Variants in HDAC2 observed in about 807,000 individuals in gnomAD.
The protein encoded by HDAC2 is histone deacetylase 2.
In HDAC2, 5 loss-of-function variants were observed where a neutral mutation model predicts 68.5. The observed-to-expected ratio is 0.07, with a 90% CI of 0.04 to 0.15. The LOEUF is 0.15. HDAC2 is among the 10% of genes least tolerant of loss of function. HDAC2 has a pLI of 1.00. For synonymous variants in HDAC2, 182 were observed against 191.3 expected, an observed-to-expected ratio of 0.95 and a Z score of 0.40; for missense variants, 291 against 600.8, an observed-to-expected ratio of 0.48 and a Z score of 5.39.
Position 113,935,094 on chromosome 6 carries a change from A to T in HDAC2, c.*5964T>A, listed in dbSNP as rs528635021. 3.3e-5 allele frequency: 5 copies of T among 152,298 alleles called. No individual in the cohort carries two copies. In the East Asian group the frequency reaches 9.6e-4, roughly 29 times the overall value. The allele number at this position is 152,298 out of a possible 1,614,324, so 9.4% of individuals were successfully genotyped here. A position where few individuals can be genotyped will look rare whatever the true frequency, so the allele number is the denominator to read the frequency against. On this transcript the variant is annotated 3_prime_UTR_variant, in exon 14 of 14. Transcript: ENST00000519065. ...CTCCCATCCTCATGCTTGGAGGGCT[A>T]TTATCTACCACAGGGCCACACAACA... is the stretch of plus-strand genomic sequence containing the variant.
intron 4 of HDAC2, 101 bp downstream of exon 4, chr6:113,956,518 C>A: frequency 1.3e-6 from 1 of 797,018 alleles, no homozygotes; most frequent in South Asian, 1.5e-5. Flanking sequence ...CTTTTGTTAT[C>A]AAAATTCACA....
Position 113,971,011 on chromosome 6 carries a change from G to C in HDAC2, c.-103C>G, listed in dbSNP as rs965518928. On this transcript the variant is annotated 5_prime_UTR_variant, in exon 1 of 14. Transcript: ENST00000519065. ...GGGAGAGAAAAGGGCTGAGGGAAAC[G>C]TGGGGGCGATAGTCCCGCGGGGAAG... 1.3e-6 allele frequency: 2 copies of C among 1,576,816 alleles called. No homozygotes were observed. Among genetic ancestry groups the C allele is most frequent in the Non-Finnish European group, 1.7e-6 (2 of 1,160,918 alleles).
intron 1 of HDAC2, chr6:113,968,708 TATC>T (rs1400230326): frequency 6.6e-6 from 1 of 152,140 alleles, no homozygotes; most frequent in East Asian, 1.9e-4. Flanking sequence ...TACAATAAAG[TATC>T]ATATTAAGTC....
intron 1 of HDAC2, among the ~76,000 whole-genome samples, chr6:113,964,913 A>C (rs1188748338): frequency 3.3e-5 from 5 of 152,028 alleles, no homozygotes; most frequent in African/African-American, 4.8e-5. Flanking sequence ...CTCAGCTCCA[A>C]CTCCATTTCT....
intron 1 of HDAC2, among the ~76,000 whole-genome samples, chr6:113,964,444 C>A (rs1446850213): frequency 6.6e-6 from 1 of 151,992 alleles, no homozygotes; most frequent in Non-Finnish European, 1.5e-5. Flanking sequence ...TTACTTGTAC[C>A]CCAAGGCCAC....
intron 11 of HDAC2, among the ~76,000 whole-genome samples, chr6:113,943,745 C>T (rs1352795403): frequency 6.6e-6 from 1 of 152,034 alleles, no homozygotes; most frequent in African/African-American, 2.4e-5. Context: ...ATCTCTTTTT[C>T]TTTAAAAATG....
At chr6:113,954,023 T>C (rs1238049788) in intron 5 of HDAC2, among the ~76,000 whole-genome samples, 1 of 152,246 alleles carries the variant, frequency 6.6e-6, no homozygotes. Context: ...CGATTAGCTG[T>C]GACAGAGGCT....
At chr6:113,946,396 A>G (rs531342888) in intron 8 of HDAC2, 68 of 309,212 alleles carry the variant, frequency 2.2e-4, no homozygotes, top group Admixed American at 8.8e-4. Context: ...GGAAAAGTCA[A>G]GTACACAACT....
At chr6:113,957,503 AC>A (rs1776583198) in intron 3 of HDAC2, among the ~76,000 whole-genome samples, 1 of 149,032 alleles carries the variant, frequency 6.7e-6, no homozygotes, top group Non-Finnish European at 1.5e-5. Flanking sequence ...TTTTTTGGAG[AC>A]AGAGTCTCAC....
At chr6:113,957,947 T>C (rs1051419632) in intron 3 of HDAC2, among the ~76,000 whole-genome samples, 1 of 152,196 alleles carries the variant, frequency 6.6e-6, no homozygotes, top group African/African-American at 2.4e-5. Flanking sequence ...CATTGTAGCA[T>C]TATAACAAAT....
chr6:113,943,378 T>C lies in HDAC2; in HGVS notation c.1351A>G (p.Lys451Glu), dbSNP rs1776187972. The change falls in exon 12 of 14, where the codon AAG (lysine) becomes GAG (glutamate). Residue 451 changes from lysine (K) to glutamate (E), a missense_variant. By Grantham distance (56) the Lys-to-Glu change is moderately conservative (BLOSUM62 1). Transcript: ENST00000519065. ...GAKKARIEED[K>E]KETEDKKTDV... The stretch of plus-strand genomic sequence containing the variant: ...GTTTTTTTGTCCTCTGTTTCTTTCT[T>C]ATCTTCTTCAATTCTAGCTTTCTTT... 1 of 1,608,480 alleles carries C rather than the reference T, an allele frequency of 6.2e-7. No individual in the cohort carries two copies. Among genetic ancestry groups the C allele is most frequent in the African/African-American group, 1.3e-5 (1 of 74,576 alleles).
In HDAC2 at chr6:113,953,328, C is replaced by A; in HGVS notation, c.588G>T (p.Thr196=). The change falls in exon 6 of 14, where the codon ACG becomes ACT. Residue 196 remains threonine (T), a synonymous_variant. Transcript: ENST00000519065. ...ATTCCCCATATTTATGGAATGATAC[C>A]GTCATTACACGATCTGTTGTATAAA... The part of the protein sequence containing the change: ...EAFYTTDRVM[T]VSFHKYGEYF... 1 of 1,603,932 alleles carries A rather than the reference C, an allele frequency of 6.2e-7. No homozygotes were observed. The highest frequency in any genetic ancestry group is 8.5e-7 in the Non-Finnish European group (1 of 1,171,102).
At chr6:113,969,510 A>G (rs1465438400) in intron 1 of HDAC2, among the ~76,000 whole-genome samples, 2 of 152,200 alleles carry the variant, frequency 1.3e-5, no homozygotes, top group African/African-American at 2.4e-5. Context: ...CAGCTTCCAA[A>G]ATTTGTATTG....
intron 1 of HDAC2, among the ~76,000 whole-genome samples, chr6:113,969,353 T>C (rs942386227): frequency 6.6e-6 from 1 of 152,246 alleles, no homozygotes; most frequent in Non-Finnish European, 1.5e-5. Context: ...TTATTTTATA[T>C]GTATCAGTCA....
rs1236725728 is a variant in HDAC2, at chr6:113,933,853, C to T, written c.*7205G>A. The T allele has an allele frequency of 6.6e-6, 1 of 151,634 alleles. No homozygotes were observed. The highest frequency in any genetic ancestry group is 1.5e-5 in the Non-Finnish European group (1 of 67,948). 9.4% of individuals were successfully genotyped at this position (151,634 alleles called of 1,614,324 possible). Reference sequence around the variant, plus strand: ...CATATATATAGAAGGAATTCTCTTTCTTTTATCCCTTATTCCAATCCTGTT... The same window carrying T: ...CATATATATAGAAGGAATTCTCTTTTTTTTATCCCTTATTCCAATCCTGTT... On this transcript the variant is annotated 3_prime_UTR_variant, in exon 14 of 14. Coordinates refer to ENST00000519065, the MANE Select transcript of HDAC2 (RefSeq NM_001527.4).
At chr6:113,950,700 T>TGGGGGGGGGGG (rs34412922) in intron 6 of HDAC2, among the ~76,000 whole-genome samples, 2 of 62,422 alleles carry the variant, frequency 3.2e-5, no homozygotes, top group Non-Finnish European at 7.2e-5. Context: ...CTGAGTGGGG[T>TGGGGGGGGGGG]GGGGGGGGGG....
intron 1 of HDAC2, chr6:113,970,431 G>GC (rs1306742005): frequency 9.8e-7 from 1 of 1,022,626 alleles, no homozygotes; most frequent in African/African-American, 1.7e-5. Flanking sequence ...ATTTTGCCTC[G>GC]CGGGGGACGG....
At chr6:113,961,253 T>C (rs114897632) in intron 1 of HDAC2, among the ~76,000 whole-genome samples, 136 of 152,288 alleles carry the variant, frequency 8.9e-4, no homozygotes, top group African/African-American at 3.2e-3. Context: ...CACCTTTTGT[T>C]TGTTTAATGG....
intron 8 of HDAC2, 79 bp downstream of exon 8, chr6:113,948,900 A>G: frequency 1.3e-6 from 2 of 1,523,246 alleles, no homozygotes; most frequent in Non-Finnish European, 8.9e-7. Context: ...AAGAAACTAC[A>G]ATGAGAACTT....
Sources: allele counts gnomAD v4.1 joint callset (sites outside exome capture counted in the v4.1 genomes callset), GRCh38; gene constraint gnomAD v4.1.1; transcripts MANE v1.5; gene names NCBI Gene and HGNC (gene_info 2026-07-23, HGNC 2026-07-21).